The following USP24 variants were observed in gnomAD, a reference collection of about 807,000 sequenced individuals.
The protein encoded by USP24 is ubiquitin specific peptidase 24.
USP24 carries 97 observed loss-of-function variants against 361.6 expected under a neutral mutation model. The ratio of observed to expected loss-of-function variants is 0.27; its 90% CI spans 0.23 to 0.32. USP24 has a LOEUF of 0.32. Among genes scored for constraint, USP24 ranks in the 10% least tolerant of loss-of-function variants. The probability of loss-of-function intolerance (pLI) is 1.00; values close to 1 mark genes in which losing one functional copy is unlikely to be tolerated. For synonymous variants in USP24, 1,098 were observed against 1,124.6 expected (o/e 0.98, Z 0.47); for missense variants, 2,353 against 3,165.6 (o/e 0.74, Z 6.16).
chr1:55,149,650 C>T (rs1018821771), intron 16 of USP24, among the ~76,000 whole-genome samples: 8 of 152,160 alleles, frequency 5.3e-5, no homozygotes, highest in African/African-American at 1.4e-4. Context: ...GAAATTGACA[C>T]TTTAGACAAT....
intron 1 of USP24, among the ~76,000 whole-genome samples, chr1:55,212,895 A>G (rs982238274): frequency 5.9e-5 from 9 of 152,202 alleles, no homozygotes; most frequent in African/African-American, 2.2e-4. Context: ...ACCGCAAACC[A>G]AACTCCTTAG....
chr1:55,122,951 C>T (rs558633970), intron 36 of USP24, among the ~76,000 whole-genome samples: 2 of 151,974 alleles, frequency 1.3e-5, no homozygotes, highest in Non-Finnish European at 2.9e-5. Context: ...TGAAACTGCA[C>T]GAGATCACCA....
rs114836177 is a variant in USP24, at chr1:55,131,424, A to G, written c.3537+1121T>C. Among the ~76,000 whole-genome samples the G allele has an allele frequency of 3.1e-3, 475 of 152,332 alleles. 1 individual carries two copies. The highest frequency in any genetic ancestry group is 0.011 in the African/African-American group (440 of 41,578). On this transcript the variant is annotated intron_variant, in intron 31 of 67. Transcript: ENST00000294383. ...ATAAAGTTAATTCTTAAACACAAGG[A>G]TGACTCAACCTCAAACGTGGTTTCC...
chr1:55,121,393 A>G, intron 37 of USP24, 43 bp downstream of exon 37: 3 of 1,567,794 alleles, frequency 1.9e-6, no homozygotes, highest in Non-Finnish European at 2.6e-6. Context: ...TCACAAAACA[A>G]CAGGACCAAA....
rs138785820 is a variant in USP24 at position 55,145,809 on chromosome 1, T to C, written c.2362+189A>G. On this transcript the variant is annotated intron_variant, in intron 20 of 67. Coordinates refer to ENST00000294383, the MANE Select transcript of USP24 (RefSeq NM_015306.3). ...CTAGCAGGCCATATGATTTAAAAAC[T>C]AATTATAAGATACCATTCATGTAGA... is the stretch of plus-strand genomic sequence containing the variant. 2.9e-3 allele frequency among the ~76,000 whole-genome samples: 447 copies of C among 152,270 alleles called. 2 individuals are homozygous for C. The highest frequency in any genetic ancestry group is 0.01 in the African/African-American group (435 of 41,568).
chr1:55,092,217 T>C, intron 53 of USP24, 91 bp from the exon 54 acceptor site: 1 of 788,224 alleles, frequency 1.3e-6, no homozygotes, highest in South Asian at 1.8e-5. Context: ...ACACACACAA[T>C]ATATGAATAT....
chr1:55,167,510 C>T (rs1042756974), intron 5 of USP24, among the ~76,000 whole-genome samples: 3 of 152,094 alleles, frequency 2.0e-5, no homozygotes, highest in African/African-American at 7.2e-5. Flanking sequence ...AAGAAAGCAA[C>T]AGAAGCGTTT....
intron 56 of USP24, 131 bp from the exon 57 acceptor site, chr1:55,084,019 T>C (rs972707175): frequency 1.4e-5 from 10 of 721,182 alleles, no homozygotes; most frequent in South Asian, 9.1e-5. Flanking sequence ...CAGATTCAGA[T>C]GGACTTATGC....
chr1:55,113,366 G>A (rs112023886), intron 38 of USP24, among the ~76,000 whole-genome samples: 5,881 of 152,178 alleles, frequency 0.039, 361 homozygotes, highest in African/African-American at 0.13. Context: ...CCAATAACAA[G>A]TTCTGAAATG....
At chr1:55,154,639 T>C in intron 13 of USP24, 32 bp downstream of exon 13, 1 of 1,593,730 alleles carries the variant, frequency 6.3e-7, no homozygotes, top group Non-Finnish European at 8.6e-7. Context: ...TTAAGAAAAT[T>C]TAAAAGTAAG....
intron 50 of USP24, among the ~76,000 whole-genome samples, chr1:55,096,040 G>T (rs1645488906): frequency 6.6e-6 from 1 of 152,176 alleles, no homozygotes; most frequent in African/African-American, 2.4e-5. Context: ...TGGGAGTGGG[G>T]ATTGTAGAGG....
intron 52 of USP24, chr1:55,093,686 C>A: frequency 2.9e-6 from 1 of 348,472 alleles, no homozygotes; most frequent in Non-Finnish European, 5.2e-6. Context: ...TGACATTTCA[C>A]ACTCACAGAG....
Position 55,096,482 on chromosome 1 carries a change from A to G in USP24, c.6061+16T>C, listed in dbSNP as rs1209422603. On this transcript the variant is annotated intron_variant, in intron 50 of 67. Coordinates refer to ENST00000294383, the MANE Select transcript of USP24 (RefSeq NM_015306.3). ...ATAAAAAAACTAATGGAAAATATCC[A>G]TTTGTAAATACTTACTTTGATCATA... 1.3e-6 allele frequency: 2 copies of G among 1,528,264 alleles called. No homozygotes were observed. The highest frequency in any genetic ancestry group is 2.8e-5 in the African/African-American group (2 of 71,244). 94.7% of individuals were successfully genotyped at this position (1,528,264 alleles called of 1,614,324 possible).
chr1:55,097,205 G>A, intron 48 of USP24, 33 bp from the exon 49 acceptor site: 1 of 1,608,272 alleles, frequency 6.2e-7, no homozygotes. Flanking sequence ...TATTAACGTT[G>A]ATTACTAACA....
intron 57 of USP24, 114 bp downstream of exon 57, chr1:55,083,658 A>G (rs1645194923): frequency 8.5e-6 from 7 of 826,066 alleles, no homozygotes; most frequent in Non-Finnish European, 3.7e-6. Flanking sequence ...CAAGATTTTT[A>G]GGAAGAAACA....
At chr1:55,077,754 G>A (rs637483) in intron 61 of USP24, among the ~76,000 whole-genome samples, 149,988 of 152,328 alleles carry the variant, frequency 0.98, 73,881 homozygotes, top group East Asian at 1. Flanking sequence ...AAAATTCATA[G>A]AACACACTCC....
intron 63 of USP24, among the ~76,000 whole-genome samples, chr1:55,074,107 TA>T (rs34911935): frequency 0.74 from 91,349 of 123,372 alleles, 33,532 homozygotes; most frequent in Middle Eastern, 0.85. Flanking sequence ...TAAGTATGTT[TA>T]AAAAAAAAAA....
chr1:55,202,936 C>G (rs1176132119), intron 1 of USP24, among the ~76,000 whole-genome samples: 1 of 152,182 alleles, frequency 6.6e-6, no homozygotes, highest in African/African-American at 2.4e-5. Flanking sequence ...ACTATAGAAT[C>G]AACACTTTTG....
Position 55,141,740 on chromosome 1 carries a change from T to A in USP24, c.2635-9A>T, listed in dbSNP as rs1335587906. The A allele has an allele frequency of 1.3e-6, 2 of 1,591,042 alleles. No homozygotes were observed. The highest frequency in any genetic ancestry group is 1.7e-6 in the Non-Finnish European group (2 of 1,167,216). ...AGTGCTGAACTGGCTGCCTAAAAAA[T>A]ACCAAACAGTCATTCTCTATCAGGG... On this transcript the variant is annotated splice_polypyrimidine_tract_variant and intron_variant, in intron 23 of 67. Coordinates refer to ENST00000294383, the MANE Select transcript of USP24 (RefSeq NM_015306.3).
Sources: gnomAD v4.1 joint callset for allele counts (sites outside exome capture counted in the v4.1 genomes callset) on GRCh38, gnomAD v4.1.1 for gene constraint, MANE v1.5 for transcripts, NCBI Gene and HGNC (gene_info 2026-07-23, HGNC 2026-07-21) for gene names.